The following SETX variants were observed in gnomAD, a reference collection of about 807,000 sequenced individuals.
SETX encodes senataxin.
SETX carries 90 observed loss-of-function variants against 227.2 expected under a neutral mutation model. That is an observed-to-expected ratio of 0.40 (90% CI 0.33 to 0.47). The LOEUF (loss-of-function observed/expected upper bound fraction) is 0.47. Ranked by LOEUF, SETX falls within the 20% of genes least tolerant of loss-of-function variation. The pLI, the probability that SETX is intolerant of heterozygous loss-of-function variation, is 0.91. For missense variants in SETX, 3,052 were observed against 3,181.5 expected, an observed-to-expected ratio of 0.96 and a Z score of 0.98; for synonymous variants, 1,210 against 1,113.2, an observed-to-expected ratio of 1.09 and a Z score of -1.73.
chr9:132,275,386 T>A lies in SETX; in HGVS notation c.6970A>T (p.Met2324Leu), dbSNP rs781671592. 1.2e-6 allele frequency: 2 copies of A among 1,605,440 alleles called. No homozygotes were observed. Among genetic ancestry groups the A allele is most frequent in the Non-Finnish European group, 1.7e-6 (2 of 1,172,546 alleles). Reference protein sequence around the residue: ...YINVQEIKLVMEIIKLIKDKR... With the variant: ...YINVQEIKLVLEIIKLIKDKR... The stretch of plus-strand genomic sequence containing the variant: ...TCTTTAATAAGCTTAATTATTTCCA[T>A]CACCAGTTTTATTTCTTGAACATTT... The change falls in exon 23 of 26, where the codon ATG becomes TTG. Residue 2324 changes from methionine (M) to leucine (L), a missense_variant. Transcript: ENST00000224140.
intron 5 of SETX, among the ~76,000 whole-genome samples, chr9:132,337,433 C>T (rs1170131659): frequency 1.5e-4 from 1 of 6,756 alleles, no homozygotes; most frequent in African/African-American, 4.1e-4. Flanking sequence ...TCACAACCAA[C>T]CTTAAAAAAA....
At chr9:132,350,324 T>C (rs1848538190) in intron 2 of SETX, among the ~76,000 whole-genome samples, 1 of 152,162 alleles carries the variant, frequency 6.6e-6, no homozygotes, top group Non-Finnish European at 1.5e-5. Flanking sequence ...CACTCCAGCC[T>C]GGGTGACAGA....
intron 4 of SETX, among the ~76,000 whole-genome samples, chr9:132,344,869 TAA>T (rs10612492): frequency 0.84 from 116,629 of 139,276 alleles, 48,749 homozygotes; most frequent in Non-Finnish European, 0.86. Context: ...TGAGACTCTT[TAA>T]AAAAAAAAAA....
At chr9:132,299,853 C>T (rs1009673202) in intron 12 of SETX, among the ~76,000 whole-genome samples, 1 of 152,012 alleles carries the variant, frequency 6.6e-6, no homozygotes, top group African/African-American at 2.4e-5. Flanking sequence ...ATAAGAAGGA[C>T]AAGTCTCGGC....
chr9:132,346,360 G>T lies in SETX; in HGVS notation c.289C>A (p.Pro97Thr). The T allele has an allele frequency of 1.2e-6, 2 of 1,613,456 alleles. No homozygotes were observed. The highest frequency in any genetic ancestry group is 1.7e-6 in the Non-Finnish European group (2 of 1,179,454). ...LYIVDNNGEM[P>T]LFDITGQDFE... Reference sequence around the variant, plus strand: ...TCTTGCCCAGTGATGTCAAACAGTGGCATCTCTCCATTATTGTCTACTATA... The same window carrying T: ...TCTTGCCCAGTGATGTCAAACAGTGTCATCTCTCCATTATTGTCTACTATA... Residue 97 changes from proline to threonine, a missense_variant, in exon 4 of 26, where the codon CCA becomes ACA. By Grantham distance (38) the Pro-to-Thr change is conservative (BLOSUM62 -1). Coordinates refer to ENST00000224140, the MANE Select transcript of SETX (RefSeq NM_015046.7).
upstream of SETX, among the ~76,000 whole-genome samples, chr9:132,355,801 A>C (rs2131601474): frequency 6.6e-6 from 1 of 152,296 alleles, no homozygotes; most frequent in East Asian, 1.9e-4. Context: ...AGCCTGACCA[A>C]CATGGTGAAA....
Position 132,331,175 on chromosome 9 carries a change from G to A in SETX, c.1011-36C>T, listed in dbSNP as rs372362890. 3.3e-4 allele frequency: 525 copies of A among 1,606,352 alleles called. No individual in the cohort carries two copies. Among genetic ancestry groups the A allele is most frequent in the Non-Finnish European group, 4.0e-4 (473 of 1,173,594 alleles). ...AAGAATAAATAGAAATTACTGAAAC[G>A]AAGGGGGAAAAAAAGGAAGAAACAC... On this transcript the variant is annotated intron_variant, in intron 8 of 25. Coordinates refer to ENST00000224140, the MANE Select transcript of SETX (RefSeq NM_015046.7).
chr9:132,296,999 T>A lies in SETX; in HGVS notation c.5837A>T (p.Tyr1946Phe), dbSNP rs35525257. ...TGATGGTGAGTGTTTCACCATAGCA[T>A]ATGCAGTTTCTATTGCTTTCTTTTG... ...EDQKKAIETA[Y>F]AMVKHSPSVA... Residue 1946 changes from tyrosine (Y) to phenylalanine (F), a missense_variant, in exon 14 of 26, where the codon TAT (tyrosine) becomes TTT (phenylalanine). Coordinates refer to ENST00000224140, the MANE Select transcript of SETX (RefSeq NM_015046.7). The A allele has an allele frequency of 6.2e-7, 1 of 1,614,008 alleles. No individual in the cohort carries two copies. Among genetic ancestry groups the A allele is most frequent in the Non-Finnish European group, 8.5e-7 (1 of 1,179,888 alleles).
Position 132,326,437 on chromosome 9 carries a change from G to T in SETX, c.5161C>A (p.Pro1721Thr). 6.2e-7 allele frequency: 1 copy of T among 1,614,026 alleles called. No homozygotes were observed. Among genetic ancestry groups the T allele is most frequent in the Non-Finnish European group, 8.5e-7 (1 of 1,179,906 alleles). Residue 1721 changes from proline (P) to threonine (T), a missense_variant, in exon 10 of 26, where the codon CCC (proline) becomes ACC (threonine). Pro to Thr is a conservative substitution (Grantham distance 38). This residue lies in a region of SETX where 1,483 missense variants were observed against 1,312.0 expected (regional missense o/e 1.13). Coordinates refer to ENST00000224140, the MANE Select transcript of SETX (RefSeq NM_015046.7). ...ATGGACTGACAAAGACTTGCAGGGGGCCCACACTGACCAAAGTTCAAAAAC... is the reference window on the plus strand; with the variant it reads ...ATGGACTGACAAAGACTTGCAGGGGTCCCACACTGACCAAAGTTCAAAAAC... ...EMFLNFGQCGPPASLCQSISR... is the reference protein window; with the variant it reads ...EMFLNFGQCGTPASLCQSISR...
chr9:132,335,206 T>A (rs13285550), intron 6 of SETX, among the ~76,000 whole-genome samples: 78 of 151,292 alleles, frequency 5.2e-4, no homozygotes, highest in Non-Finnish European at 9.9e-4. Context: ...CTGGCTAACA[T>A]GGTGAAACCC....
At position 132,269,645 on chromosome 9, in the gene SETX, G is replaced by T. The variant is rs768253218; in HGVS notation, c.7257C>A (p.Leu2419=). The T allele has an allele frequency of 6.2e-7, 1 of 1,614,242 alleles. No individual in the cohort carries two copies. Among genetic ancestry groups the T allele is most frequent in the African/African-American group, 1.3e-5 (1 of 75,070 alleles). The part of the protein sequence containing the change: ...NVTITRAKYS[L]FILGHLRTLM... ...GGGTCCTCAAATGTCCGAGGATGAA[G>T]AGGCTGTACTTGGCTCGTGTGATGG... is the stretch of plus-strand genomic sequence containing the variant. Residue 2419 remains leucine, a synonymous_variant, in exon 25 of 26, where the codon CTC becomes CTA. Coordinates refer to ENST00000224140, the MANE Select transcript of SETX (RefSeq NM_015046.7).
At chr9:132,339,923 G>A (rs938183793) in intron 5 of SETX, among the ~76,000 whole-genome samples, 28 of 152,050 alleles carry the variant, frequency 1.8e-4, no homozygotes, top group African/African-American at 6.5e-4. Context: ...CCATATCTCC[G>A]GTATTTCTTT....
chr9:132,298,347 A>T (rs760551764), intron 12 of SETX, 35 bp from the exon 13 acceptor site: 4 of 1,512,762 alleles, frequency 2.6e-6, no homozygotes, highest in Non-Finnish European at 1.8e-6. Flanking sequence ...AACTTCAGTT[A>T]TCACTGAATA....
At position 132,296,908 on chromosome 9, in the gene SETX, G is replaced by A. The variant is rs1281011423; in HGVS notation, c.5928C>T (p.Leu1976=). Residue 1976 remains leucine, a synonymous_variant, in exon 14 of 26, where the codon CTC becomes CTT. Transcript: ENST00000224140. ...GTGKSKTIVG[L]LYRLLTENQR... Reference sequence around the variant, plus strand: ...CTACCTCTGTCAGTAGACGATAGAGGAGGCCAACAATAGTTTTTGATTTTC... The same window carrying A: ...CTACCTCTGTCAGTAGACGATAGAGAAGGCCAACAATAGTTTTTGATTTTC... 33 of 1,614,030 alleles carry A rather than the reference G, an allele frequency of 2.0e-5. No homozygotes were observed. The highest frequency in any genetic ancestry group is 6.7e-5 in the East Asian group (3 of 44,892).
At chr9:132,309,323 G>A (rs1589696772) in intron 11 of SETX, among the ~76,000 whole-genome samples, 1 of 152,014 alleles carries the variant, frequency 6.6e-6, no homozygotes, top group African/African-American at 2.4e-5. Context: ...ACATAGCAGT[G>A]CAGTGAAGCA....
chr9:132,333,436 C>T lies in SETX; in HGVS notation c.838+1172G>A, dbSNP rs1208502239. ...ATATATACACACACACACACACACACACACACACACACACACACACACGCC... is the reference window on the plus strand; with the variant it reads ...ATATATACACACACACACACACACATACACACACACACACACACACACGCC... On this transcript the variant is annotated intron_variant, in intron 7 of 25. Coordinates refer to ENST00000224140, the MANE Select transcript of SETX (RefSeq NM_015046.7). 7.3e-4 allele frequency among the ~76,000 whole-genome samples: 102 copies of T among 139,278 alleles called. 1 individual carries two copies. The highest frequency in any genetic ancestry group is 2.4e-3 in the African/African-American group (89 of 36,900). The allele number at this position is 139,278 out of a possible 152,430, so 91.4% of individuals were successfully genotyped here. A position where few individuals can be genotyped will look rare whatever the true frequency, so the allele number is the denominator to read the frequency against.
At chr9:132,300,033 G>A (rs1844896274) in intron 12 of SETX, among the ~76,000 whole-genome samples, 1 of 150,848 alleles carries the variant, frequency 6.6e-6, no homozygotes, top group Admixed American at 6.6e-5. Context: ...GGGAAGCTGA[G>A]GCAGGAGAAT....
intron 9 of SETX, 147 bp from the exon 10 acceptor site, chr9:132,330,646 G>A (rs957474969): frequency 3.8e-5 from 26 of 682,606 alleles, no homozygotes; most frequent in Admixed American, 1.9e-4. Flanking sequence ...TATAATTGTG[G>A]CATATAATTA....
At chr9:132,278,486 G>A (rs939528744) in intron 20 of SETX, among the ~76,000 whole-genome samples, 3 of 115,098 alleles carry the variant, frequency 2.6e-5, no homozygotes, top group African/African-American at 9.8e-5. Context: ...ACACAGTCTC[G>A]CTCTGTCACC....
Sources: allele counts gnomAD v4.1 joint callset (sites outside exome capture counted in the v4.1 genomes callset), GRCh38; gene constraint gnomAD v4.1.1; regional missense constraint gnomAD v4.1.1; transcripts MANE v1.5; gene names NCBI Gene and HGNC (gene_info 2026-07-23, HGNC 2026-07-21).